NEGR1: variants seen among roughly 807,000 people sequenced by gnomAD.
NEGR1 encodes IgLON family member 4.
Under a neutral mutation model 40.9 loss-of-function variants are expected in NEGR1, and 10 were observed. The ratio of observed to expected loss-of-function variants is 0.24; its 90% CI spans 0.15 to 0.42. The LOEUF (loss-of-function observed/expected upper bound fraction) is 0.42. Ranked by LOEUF, NEGR1 falls within the 10% of genes least tolerant of loss-of-function variation. NEGR1 has a pLI of 1.00. For synonymous variants in NEGR1, 185 were observed against 166.8 expected, an observed-to-expected ratio of 1.11 and a Z score of -0.84; for missense variants, 352 against 438.9, an observed-to-expected ratio of 0.80 and a Z score of 1.77.
At chr1:72,028,252 C>T (rs1253229387) in intron 1 of NEGR1, among the ~76,000 whole-genome samples, 1 of 152,122 alleles carries the variant, frequency 6.6e-6, no homozygotes, top group African/African-American at 2.4e-5. Flanking sequence ...TCATAGTGGC[C>T]ATTACAACAG....
At chr1:72,013,187 C>A (rs1569823221) in intron 1 of NEGR1, among the ~76,000 whole-genome samples, 2 of 151,708 alleles carry the variant, frequency 1.3e-5, no homozygotes, top group East Asian at 1.9e-4. Context: ...GTAAATAATT[C>A]TCTTTGGAAT....
chr1:71,969,966 C>T (rs1197994333), intron 1 of NEGR1, among the ~76,000 whole-genome samples: 1 of 152,012 alleles, frequency 6.6e-6, no homozygotes. Flanking sequence ...TATTGCATAG[C>T]TGTATTGAAA....
At chr1:72,062,471 C>A (rs1557507264) in intron 1 of NEGR1, among the ~76,000 whole-genome samples, 1 of 151,942 alleles carries the variant, frequency 6.6e-6, no homozygotes, top group Non-Finnish European at 1.5e-5. Context: ...AAAAAGACTT[C>A]TTGTTCATCT....
At chr1:71,495,835 GTA>G (rs1465294671) in intron 6 of NEGR1, among the ~76,000 whole-genome samples, 1 of 152,136 alleles carries the variant, frequency 6.6e-6, no homozygotes, top group Non-Finnish European at 1.5e-5. Context: ...AGGAACCACT[GTA>G]TTAACAAAAT....
At chr1:72,221,956 A>G (rs1654027342) in intron 1 of NEGR1, among the ~76,000 whole-genome samples, 1 of 151,576 alleles carries the variant, frequency 6.6e-6, no homozygotes, top group Admixed American at 6.6e-5. Flanking sequence ...CCCACCCCCA[A>G]GACTCAGTCC....
intron 1 of NEGR1, among the ~76,000 whole-genome samples, chr1:72,006,518 C>T (rs191019139): frequency 9.1e-4 from 138 of 152,250 alleles, no homozygotes; most frequent in Admixed American, 2.2e-3. Flanking sequence ...CAGCATAATG[C>T]TGCTTAGGAT....
intron 1 of NEGR1, among the ~76,000 whole-genome samples, chr1:72,076,008 T>C (rs965302051): frequency 2.6e-5 from 4 of 152,222 alleles, no homozygotes; most frequent in Non-Finnish European, 4.4e-5. Flanking sequence ...AAGACTGTTA[T>C]ACAAATCAAA....
chr1:72,254,002 C>T (rs980664510), intron 1 of NEGR1, among the ~76,000 whole-genome samples: 1 of 152,118 alleles, frequency 6.6e-6, no homozygotes, highest in African/African-American at 2.4e-5. Context: ...TTCCCCAGGT[C>T]AATGAATACA....
At chr1:72,205,563 T>A (rs991633734) in intron 1 of NEGR1, among the ~76,000 whole-genome samples, 68 of 145,290 alleles carry the variant, frequency 4.7e-4, no homozygotes, top group East Asian at 1.8e-3. Flanking sequence ...TTTTTTTTTT[T>A]AATCAACTTA....
rs76223334 is a variant in NEGR1 at position 71,609,911 on chromosome 1, G to A, written c.788+1115C>T. Among the ~76,000 whole-genome samples the A allele has an allele frequency of 1.6e-4, 24 of 152,296 alleles. 1 individual carries two copies. Among genetic ancestry groups the A allele is most frequent in the Middle Eastern group, 3.4e-3 (1 of 294 alleles). On this transcript the variant is annotated intron_variant, in intron 5 of 6. Transcript: ENST00000357731. Reference sequence around the variant, plus strand: ...GGGGCAGTTCCCCCACCCTGTTCTCGTGATAGTGAGTGAGTTCTCACAAGA... The same window carrying A: ...GGGGCAGTTCCCCCACCCTGTTCTCATGATAGTGAGTGAGTTCTCACAAGA...
intron 2 of NEGR1, among the ~76,000 whole-genome samples, chr1:71,921,838 G>A (rs910312956): frequency 6.6e-6 from 1 of 151,244 alleles, no homozygotes; most frequent in Non-Finnish European, 1.5e-5. Context: ...TTAATAGTAG[G>A]CTATTAGTAA....
intron 6 of NEGR1, among the ~76,000 whole-genome samples, chr1:71,431,276 A>G (rs1338729210): frequency 1.3e-5 from 2 of 152,164 alleles, no homozygotes; most frequent in Non-Finnish European, 2.9e-5. Flanking sequence ...TAAAATACAC[A>G]AAAAAGGACA....
At chr1:72,249,507 G>A (rs189889815) in intron 1 of NEGR1, among the ~76,000 whole-genome samples, 2 of 152,170 alleles carry the variant, frequency 1.3e-5, no homozygotes, top group Admixed American at 6.5e-5. Flanking sequence ...TATATATATG[G>A]GCTAGAGAGG....
At chr1:71,688,384 G>GATATAAAAAAGATATATATAAGAT (rs71070894) in intron 4 of NEGR1, among the ~76,000 whole-genome samples, 2,626 of 31,126 alleles carry the variant, frequency 0.084, 248 homozygotes, top group African/African-American at 0.14. Flanking sequence ...ATACATAAAA[G>GATATAAAAAAGATATATATAAGAT]ATATATAAAA....
At chr1:72,127,617 A>C (rs2100304908) in intron 1 of NEGR1, among the ~76,000 whole-genome samples, 1 of 152,250 alleles carries the variant, frequency 6.6e-6, no homozygotes, top group South Asian at 2.1e-4. Context: ...TTTATTAAGT[A>C]ATTCTCAATA....
chr1:71,786,713 A>G (rs183734989), intron 2 of NEGR1, among the ~76,000 whole-genome samples: 2 of 152,230 alleles, frequency 1.3e-5, no homozygotes, highest in Non-Finnish European at 2.9e-5. Context: ...CAACATGGCC[A>G]CAAATTTTTT....
chr1:71,532,666 C>T (rs796896943), intron 6 of NEGR1, among the ~76,000 whole-genome samples: 29 of 151,614 alleles, frequency 1.9e-4, no homozygotes, highest in African/African-American at 6.5e-4. Context: ...AAATCAAAGA[C>T]GTAAACTTCA....
chr1:72,081,658 G>T (rs1648002947), intron 1 of NEGR1, among the ~76,000 whole-genome samples: 1 of 151,996 alleles, frequency 6.6e-6, no homozygotes, highest in Non-Finnish European at 1.5e-5. Context: ...AATATTAATT[G>T]AATGAATGAA....
chr1:71,452,641 T>A (rs1450625892), intron 6 of NEGR1, among the ~76,000 whole-genome samples: 1 of 152,168 alleles, frequency 6.6e-6, no homozygotes, highest in African/African-American at 2.4e-5. Context: ...ATTTCCCTTA[T>A]TCATTTTTCC....
Sources: allele counts gnomAD v4.1 joint callset (sites outside exome capture counted in the v4.1 genomes callset), GRCh38; gene constraint gnomAD v4.1.1; transcripts MANE v1.5; gene names NCBI Gene and HGNC (gene_info 2026-07-23, HGNC 2026-07-21).